Variants in ATXN1 observed in about 807,000 individuals in gnomAD.
ATXN1 encodes the protein ataxin-1.
In ATXN1, 8 loss-of-function variants were observed where a neutral mutation model predicts 56.4. That is an observed-to-expected ratio of 0.14 (90% CI 0.08 to 0.26). The LOEUF is 0.26. ATXN1 is among the 10% of genes least tolerant of loss of function. ATXN1 has a pLI of 1.00. For synonymous variants in ATXN1, 514 were observed against 494.6 expected, an observed-to-expected ratio of 1.04 and a Z score of -0.52; for missense variants, 987 against 1,106.5, an observed-to-expected ratio of 0.89 and a Z score of 1.53.
chr6:16,513,312 G>A (rs1213315417), intron 5 of ATXN1, among the ~76,000 whole-genome samples: 3 of 152,298 alleles, frequency 2.0e-5, no homozygotes, highest in South Asian at 2.1e-4. Context: ...AAGCCTGCTC[G>A]TGCTTGAGTT....
intron 4 of ATXN1, among the ~76,000 whole-genome samples, chr6:16,571,877 G>T (rs903945097): frequency 6.6e-6 from 1 of 152,016 alleles, no homozygotes; most frequent in African/African-American, 2.4e-5. Context: ...TGTCCAGGCT[G>T]GTCTCAAACT....
rs1168495348 is a variant in ATXN1, at chr6:16,558,033, G to A, written c.-361+27747C>T. 2.6e-5 allele frequency among the ~76,000 whole-genome samples: 4 copies of A among 152,326 alleles called. No individual in the cohort carries two copies. The East Asian group carries it at 7.7e-4, about 29-fold the overall frequency. On this transcript the variant is annotated intron_variant, in intron 4 of 7. Coordinates refer to ENST00000436367, the MANE Select transcript of ATXN1 (RefSeq NM_001128164.2). Reference sequence around the variant, plus strand: ...GCCAGAAGGTAGAGGAAATGGGGGAGTGGGTGCTTAATGGGTAAAGGTTTT... The same window carrying A: ...GCCAGAAGGTAGAGGAAATGGGGGAATGGGTGCTTAATGGGTAAAGGTTTT...
At chr6:16,436,647 G>A (rs1261750091) in intron 6 of ATXN1, among the ~76,000 whole-genome samples, 1 of 151,904 alleles carries the variant, frequency 6.6e-6, no homozygotes, top group Non-Finnish European at 1.5e-5. Flanking sequence ...CTCCTGTGTG[G>A]TGTGTTGGAG....
chr6:16,676,277 G>C (rs996246864), intron 2 of ATXN1, among the ~76,000 whole-genome samples: 1 of 152,158 alleles, frequency 6.6e-6, no homozygotes, highest in Non-Finnish European at 1.5e-5. Flanking sequence ...TACATGGACT[G>C]AGACTCAGGT....
At chr6:16,507,264 T>G (rs549852991) in intron 5 of ATXN1, among the ~76,000 whole-genome samples, 3 of 152,202 alleles carry the variant, frequency 2.0e-5, no homozygotes, top group Non-Finnish European at 2.9e-5. Flanking sequence ...ATATGGTATT[T>G]AGAAATTCTC....
intron 3 of ATXN1, among the ~76,000 whole-genome samples, chr6:16,643,364 C>G (rs1423884140): frequency 6.6e-6 from 1 of 151,966 alleles, no homozygotes; most frequent in Non-Finnish European, 1.5e-5. Context: ...TGCGGTGGCT[C>G]ACGCCTGTAA....
At chr6:16,596,402 T>C (rs889267139) in intron 3 of ATXN1, among the ~76,000 whole-genome samples, 4 of 152,182 alleles carry the variant, frequency 2.6e-5, no homozygotes, top group Admixed American at 2.6e-4. Flanking sequence ...GAAATATGTA[T>C]TTGGAACCTC....
chr6:16,493,819 C>G (rs1760718895), intron 5 of ATXN1, among the ~76,000 whole-genome samples: 1 of 152,186 alleles, frequency 6.6e-6, no homozygotes, highest in Admixed American at 6.5e-5. Flanking sequence ...TCACATAAGT[C>G]TCTAAGGAAA....
At chr6:16,425,172 A>C (rs932412) in intron 6 of ATXN1, among the ~76,000 whole-genome samples, 94,385 of 152,112 alleles carry the variant, frequency 0.62, 29,390 homozygotes, top group South Asian at 0.7. Flanking sequence ...TGTGAAACAG[A>C]GCACAAATTA....
rs1457172199 is a variant in ATXN1, at chr6:16,506,362, T to C, written c.-299+16265A>G. 1.3e-5 allele frequency among the ~76,000 whole-genome samples: 2 copies of C among 152,208 alleles called. No individual in the cohort carries two copies. Among genetic ancestry groups the C allele is most frequent in the African/African-American group, 4.8e-5 (2 of 41,442 alleles). On this transcript the variant is annotated intron_variant, in intron 5 of 7. Coordinates refer to ENST00000436367, the MANE Select transcript of ATXN1 (RefSeq NM_001128164.2). This position sits in a 1 kb window ranked among gnomAD's most constrained non-coding sequence, Gnocchi z 4.1. ...TAATGATTTTTCTCTAGTATGATTTTATTTAATAGTTTTACATAAGCAAAG... is the reference window on the plus strand; with the variant it reads ...TAATGATTTTTCTCTAGTATGATTTCATTTAATAGTTTTACATAAGCAAAG...
chr6:16,568,732 C>T (rs752645329), intron 4 of ATXN1, among the ~76,000 whole-genome samples: 1 of 152,140 alleles, frequency 6.6e-6, no homozygotes, highest in Non-Finnish European at 1.5e-5. Context: ...CATCCCAGCC[C>T]ATATAAGAGA....
chr6:16,428,537 T>G (rs1759208652), intron 6 of ATXN1, among the ~76,000 whole-genome samples: 1 of 151,974 alleles, frequency 6.6e-6, no homozygotes, highest in Admixed American at 6.6e-5. Flanking sequence ...CTTAAGCGCT[T>G]GCACTGTTCC....
rs1250785262 is a variant in ATXN1, at chr6:16,300,649, T to TG, written c.*5679dup. ...TTACTCCCCCCATTTAAATGAGGTGTGGGGGGAAAGAAGGTGAAATAATTT... is the reference window on the plus strand; with the variant it reads ...TTACTCCCCCCATTTAAATGAGGTGTGGGGGGGAAAGAAGGTGAAATAATTT... On this transcript the variant is annotated 3_prime_UTR_variant, in exon 8 of 8. Coordinates refer to ENST00000436367, the MANE Select transcript of ATXN1 (RefSeq NM_001128164.2). The TG allele has an allele frequency of 2.0e-5, 3 of 152,336 alleles. No homozygotes were observed. The highest frequency in any genetic ancestry group is 2.4e-5 in the African/African-American group (1 of 41,394). The allele number at this position is 152,336 out of a possible 1,614,324, so 9.4% of individuals were successfully genotyped here. A position where few individuals can be genotyped will look rare whatever the true frequency, so the allele number is the denominator to read the frequency against.
At chr6:16,601,079 G>A (rs988908331) in intron 3 of ATXN1, among the ~76,000 whole-genome samples, 2 of 152,162 alleles carry the variant, frequency 1.3e-5, no homozygotes, top group Non-Finnish European at 2.9e-5. Context: ...AAAAAACGAA[G>A]GACCCCACCA....
intron 2 of ATXN1, among the ~76,000 whole-genome samples, chr6:16,751,794 A>G (rs1286808367): frequency 6.6e-6 from 1 of 152,260 alleles, no homozygotes; most frequent in Non-Finnish European, 1.5e-5. Context: ...AAACATGACC[A>G]TAACAATCAA....
intron 4 of ATXN1, among the ~76,000 whole-genome samples, chr6:16,559,741 T>C (rs1762080598): frequency 6.6e-6 from 1 of 152,038 alleles, no homozygotes; most frequent in Non-Finnish European, 1.5e-5. Flanking sequence ...TTCAAAACAA[T>C]ATTAATGCTT....
At chr6:16,598,959 A>G (rs1762865891) in intron 3 of ATXN1, among the ~76,000 whole-genome samples, 1 of 152,200 alleles carries the variant, frequency 6.6e-6, no homozygotes, top group African/African-American at 2.4e-5. Flanking sequence ...GCTTTACCCC[A>G]AGGGCACCTG....
At chr6:16,716,605 C>T (rs16878891) in intron 2 of ATXN1, among the ~76,000 whole-genome samples, 3,604 of 152,188 alleles carry the variant, frequency 0.024, 140 homozygotes, top group African/African-American at 0.081. Flanking sequence ...AATTCTCTGA[C>T]GTGCAAAGGT....
At position 16,760,004 on chromosome 6, in the gene ATXN1, ACAGT is replaced by A. The variant is rs927771507; in HGVS notation, c.-730+1290_-730+1293del. ...CGCGCGCGCGCACAAATACACACACACAGTCACTCACACACTCACTCACACTCAC... is the reference window on the plus strand; with the variant it reads ...CGCGCGCGCGCACAAATACACACACACACTCACACACTCACTCACACTCAC... On this transcript the variant is annotated intron_variant, in intron 1 of 7. Transcript: ENST00000436367. The surrounding 1 kb of genome is among the most constrained non-coding windows in gnomAD (Gnocchi z 5.3). Among the ~76,000 whole-genome samples the A allele has an allele frequency of 8.0e-5, 12 of 150,328 alleles. No individual in the cohort carries two copies. Among genetic ancestry groups the A allele is most frequent in the Admixed American group, 4.0e-4 (6 of 15,000 alleles).
Sources: gnomAD v4.1 joint callset for allele counts (sites outside exome capture counted in the v4.1 genomes callset) on GRCh38, gnomAD v4.1.1 for gene constraint, Gnocchi (gnomAD v3.1) non-coding constraint, MANE v1.5 for transcripts, NCBI Gene and HGNC (gene_info 2026-07-23, HGNC 2026-07-21) for gene names.